Variants in CDC42BPB observed in about 807,000 individuals in gnomAD.
CDC42BPB encodes the protein CDC42 binding protein kinase beta.
CDC42BPB carries 37 observed loss-of-function variants against 214.9 expected under a neutral mutation model. The ratio of observed to expected loss-of-function variants is 0.17; its 90% CI spans 0.13 to 0.23. The LOEUF is 0.23. Among genes scored for constraint, CDC42BPB ranks in the 10% least tolerant of loss-of-function variants. The probability of loss-of-function intolerance (pLI) is 1.00; values close to 1 mark genes in which losing one functional copy is unlikely to be tolerated. For synonymous variants in CDC42BPB, 931 were observed against 884.0 expected (o/e 1.05, Z -0.94); for missense variants, 1,694 against 2,227.0 (o/e 0.76, Z 4.82).
chr14:102,994,299 G>A (rs1465795790), intron 5 of CDC42BPB, among the ~76,000 whole-genome samples: 2 of 152,214 alleles, frequency 1.3e-5, no homozygotes, highest in Admixed American at 1.3e-4. Flanking sequence ...ATACCTTCCA[G>A]GGGCCATTTG....
chr14:102,961,334 C>CA (rs1555386647), intron 20 of CDC42BPB, among the ~76,000 whole-genome samples: 14 of 145,968 alleles, frequency 9.6e-5, no homozygotes, highest in East Asian at 2.0e-4. Flanking sequence ...TGAAAACCAC[C>CA]TTTTTTTTTT....
Position 102,975,730 on chromosome 14 carries a change from G to T in CDC42BPB, c.1461C>A (p.Ile487=). 1 of 1,614,068 alleles carries T rather than the reference G, an allele frequency of 6.2e-7. No homozygotes were observed. Among genetic ancestry groups the T allele is most frequent in the Non-Finnish European group, 8.5e-7 (1 of 1,179,952 alleles). The change falls in exon 11 of 37, where the codon ATC becomes ATA. Residue 487 remains isoleucine, a synonymous_variant. Coordinates refer to ENST00000361246, the MANE Select transcript of CDC42BPB (RefSeq NM_006035.4). ...GTTCGATTTCTTCATTTAGCTTTTT[G>T]ATTTCTTTATCTCGGTTTGAATTGC... ...ALSNSNRDKE[I]KKLNEEIERL...
At chr14:102,969,565 G>A (rs1243571784) in intron 14 of CDC42BPB, among the ~76,000 whole-genome samples, 1 of 152,222 alleles carries the variant, frequency 6.6e-6, no homozygotes, top group Admixed American at 6.5e-5. Flanking sequence ...AGATCACTGA[G>A]GCGAAGGGAG....
At chr14:102,954,518 C>T (rs1892630239) in intron 22 of CDC42BPB, 84 bp downstream of exon 22, 1 of 1,422,734 alleles carries the variant, frequency 7.0e-7, no homozygotes, top group Middle Eastern at 2.1e-4. Context: ...AACTGTTATG[C>T]AGGGGCCAGG....
At chr14:102,981,484 G>A (rs890900040) in intron 7 of CDC42BPB, among the ~76,000 whole-genome samples, 4 of 152,140 alleles carry the variant, frequency 2.6e-5, no homozygotes, top group Admixed American at 6.6e-5. Context: ...AAAGAGACTC[G>A]TTAAAAAAGA....
In CDC42BPB at chr14:103,017,611, T is replaced by G. The variant is rs1451458697; in HGVS notation, c.176-5423A>C. Among the ~76,000 whole-genome samples the G allele has an allele frequency of 5.3e-5, 8 of 151,642 alleles. No individual in the cohort carries two copies. In the East Asian group the frequency reaches 1.6e-3, roughly 29 times the overall value. On this transcript the variant is annotated intron_variant, in intron 1 of 36. Coordinates refer to ENST00000361246, the MANE Select transcript of CDC42BPB (RefSeq NM_006035.4). Reference sequence around the variant, plus strand: ...CACTTCTGTGATTTTCCTGCAAAGATCCACAACCCAAATCCAACCACCGGG... The same window carrying G: ...CACTTCTGTGATTTTCCTGCAAAGAGCCACAACCCAAATCCAACCACCGGG...
intron 1 of CDC42BPB, among the ~76,000 whole-genome samples, chr14:103,034,944 A>T (rs763814915): frequency 2.0e-5 from 3 of 152,198 alleles, no homozygotes; most frequent in Non-Finnish European, 4.4e-5. Context: ...TTATATTACA[A>T]ACCAATTATT....
At chr14:103,035,060 C>CTT (rs112137178) in intron 1 of CDC42BPB, among the ~76,000 whole-genome samples, 14 of 146,160 alleles carry the variant, frequency 9.6e-5, no homozygotes, top group East Asian at 2.0e-4. Flanking sequence ...TAATTCTATA[C>CTT]TTTTTTTTTT....
Position 102,944,033 on chromosome 14 carries a change from C to G in CDC42BPB, c.4266G>C (p.Gln1422His). Reference protein sequence around the residue: ...NDPSLAFLSQQSFDALCAVEL... With the variant: ...NDPSLAFLSQHSFDALCAVEL... The stretch of plus-strand genomic sequence containing the variant: ...CCACAGCACAAAGGGCATCAAAAGA[C>G]TGTTGTGAGAGGAACGCAAGCGAGG... The change falls in exon 30 of 37, where the codon CAG (glutamine) becomes CAC (histidine). Residue 1422 changes from glutamine to histidine, a missense_variant. Gln to His is a conservative substitution (Grantham distance 24, BLOSUM62 0). Coordinates refer to ENST00000361246, the MANE Select transcript of CDC42BPB (RefSeq NM_006035.4). This position sits in a 1 kb window ranked among gnomAD's most constrained non-coding sequence, Gnocchi z 6.6. 1 of 1,613,590 alleles carries G rather than the reference C, an allele frequency of 6.2e-7. No homozygotes were observed. The highest frequency in any genetic ancestry group is 8.5e-7 in the Non-Finnish European group (1 of 1,180,016).
chr14:102,969,474 G>A (rs1893374385), intron 14 of CDC42BPB, among the ~76,000 whole-genome samples: 1 of 152,244 alleles, frequency 6.6e-6, no homozygotes, highest in South Asian at 2.1e-4. Context: ...GGAGCCTCGG[G>A]CACCACATGC....
At chr14:102,951,625 C>G (rs949718058) in intron 24 of CDC42BPB, among the ~76,000 whole-genome samples, 7 of 152,254 alleles carry the variant, frequency 4.6e-5, no homozygotes, top group Admixed American at 4.6e-4. Context: ...CCCATCTCTA[C>G]TAAGAACACA....
Position 102,968,303 on chromosome 14 carries a change from T to C in CDC42BPB, c.2296A>G (p.Arg766Gly). Residue 766 changes from arginine (R) to glycine (G), a missense_variant, in exon 16 of 37, where the codon AGA becomes GGA. Transcript: ENST00000361246. ...GTIKDKYERE[R>G]AMLFDENKKL... ...TTGTTTTCATCAAACAGCATCGCTC[T>C]TTCTCGTTCGTATTTATCTTTTATT... The C allele has an allele frequency of 6.2e-7, 1 of 1,614,156 alleles. No homozygotes were observed. The highest frequency in any genetic ancestry group is 8.5e-7 in the Non-Finnish European group (1 of 1,180,010).
intron 1 of CDC42BPB, among the ~76,000 whole-genome samples, chr14:103,043,911 T>C (rs1019997861): frequency 3.9e-5 from 6 of 152,228 alleles, no homozygotes; most frequent in African/African-American, 1.4e-4. Flanking sequence ...GAAGGAAATA[T>C]ATCCAGGCTT....
intron 7 of CDC42BPB, 90 bp from the exon 8 acceptor site, chr14:102,981,111 G>A (rs1177520620): frequency 4.2e-5 from 66 of 1,568,702 alleles, no homozygotes; most frequent in Non-Finnish European, 5.6e-5. Context: ...AAGTAGAAAT[G>A]GTAGCTTCAA....
rs1409387235 is a variant in CDC42BPB at position 102,944,805 on chromosome 14, T to C, written c.3812-318A>G. 1.1e-5 allele frequency: 4 copies of C among 374,440 alleles called. No individual in the cohort carries two copies. Among genetic ancestry groups the C allele is most frequent in the Non-Finnish European group, 1.5e-5 (4 of 271,804 alleles). The allele number at this position is 374,440 out of a possible 1,614,324, so 23.2% of individuals were successfully genotyped here. ...GCTCCAGCTGGGCAGCGCTTCCACC[T>C]GGGTCCTCGCGCAGCAAGGCCCTGG... On this transcript the variant is annotated intron_variant, in intron 29 of 36. Coordinates refer to ENST00000361246, the MANE Select transcript of CDC42BPB (RefSeq NM_006035.4). This position sits in a 1 kb window ranked among gnomAD's most constrained non-coding sequence, Gnocchi z 6.6.
intron 5 of CDC42BPB, among the ~76,000 whole-genome samples, chr14:102,987,292 T>C (rs1894286077): frequency 6.6e-6 from 1 of 152,246 alleles, no homozygotes; most frequent in South Asian, 2.1e-4. Context: ...TCTAAACTAC[T>C]TTCTGTGCGC....
chr14:102,995,222 T>C (rs966377865), intron 5 of CDC42BPB, among the ~76,000 whole-genome samples: 2 of 152,030 alleles, frequency 1.3e-5, no homozygotes, highest in Admixed American at 6.5e-5. Context: ...TTCTCCAGGC[T>C]GGAGTGCAAT....
intron 5 of CDC42BPB, among the ~76,000 whole-genome samples, chr14:102,994,865 C>T (rs758198854): frequency 5.3e-5 from 8 of 152,230 alleles, no homozygotes; most frequent in Non-Finnish European, 1.2e-4. Flanking sequence ...GCTGCAAAAC[C>T]AGCAGAGGTC....
chr14:103,032,938 A>T (rs1245177312), intron 1 of CDC42BPB, among the ~76,000 whole-genome samples: 2 of 152,008 alleles, frequency 1.3e-5, no homozygotes, highest in African/African-American at 2.4e-5. Context: ...TTTTTTAAAA[A>T]AAAAAAAAAA....
Sources: gnomAD v4.1 joint callset for allele counts (sites outside exome capture counted in the v4.1 genomes callset) on GRCh38, gnomAD v4.1.1 for gene constraint, Gnocchi (gnomAD v3.1) non-coding constraint, MANE v1.5 for transcripts, NCBI Gene and HGNC (gene_info 2026-07-23, HGNC 2026-07-21) for gene names.